SMURF1: variants seen among roughly 807,000 people sequenced by gnomAD.
SMURF1 encodes the protein E3 ubiquitin-protein ligase SMURF1.
In SMURF1, 44 loss-of-function variants were observed where a neutral mutation model predicts 98.0. The observed-to-expected ratio is 0.45, with a 90% confidence interval of 0.35 to 0.58. The LOEUF (loss-of-function observed/expected upper bound fraction) is 0.58. SMURF1 is among the 20% of genes least tolerant of loss of function. SMURF1 has a pLI of 0.00. For synonymous variants in SMURF1, 396 were observed against 374.9 expected (o/e 1.06, Z -0.65); for missense variants, 687 against 938.4 (o/e 0.73, Z 3.50).
intron 1 of SMURF1, among the ~76,000 whole-genome samples, chr7:99,107,143 A>T (rs947411050): frequency 1.5e-4 from 23 of 152,194 alleles, no homozygotes; most frequent in African/African-American, 5.1e-4. Flanking sequence ...CTCTGTAGCA[A>T]GGGTGTGAAA....
chr7:99,140,790 A>C (rs1318145374), intron 1 of SMURF1, among the ~76,000 whole-genome samples: 1 of 146,364 alleles, frequency 6.8e-6, no homozygotes, highest in African/African-American at 2.6e-5. Flanking sequence ...CATTTTTAAC[A>C]GTCTTTTTTT....
chr7:99,049,651 T>C lies in SMURF1; in HGVS notation c.865A>G (p.Arg289Gly). ...LGPLPPGWEV[R>G]STVSGRIYFV... ...TATATCCTCCCAGAAACTGTACTTCTGACTTCCCAGCCTGGCGGCAGTGGT... is the reference window on the plus strand; with the variant it reads ...TATATCCTCCCAGAAACTGTACTTCCGACTTCCCAGCCTGGCGGCAGTGGT... The change falls in exon 9 of 18, where the codon AGA becomes GGA. Residue 289 changes from arginine to glycine, a missense_variant. Arg to Gly is a moderately radical substitution (Grantham distance 125). This residue lies in a region of SMURF1 where 415 missense variants were observed against 508.4 expected (regional missense o/e 0.82). Transcript: ENST00000361368. 6.2e-7 allele frequency: 1 copy of C among 1,614,228 alleles called. No individual in the cohort carries two copies. The highest frequency in any genetic ancestry group is 8.5e-7 in the Non-Finnish European group (1 of 1,180,024).
In SMURF1 at chr7:99,040,253, T is replaced by TA. The variant is rs1364394327; in HGVS notation, c.1550+124dup. The TA allele has an allele frequency of 2.8e-6, 3 of 1,070,548 alleles. No individual in the cohort carries two copies. In the African/African-American group the frequency reaches 4.9e-5, roughly 17 times the overall value. 66.3% of individuals were successfully genotyped at this position (1,070,548 alleles called of 1,614,324 possible). On this transcript the variant is annotated intron_variant, in intron 13 of 17. Transcript: ENST00000361368. ...AATCCCCTTTTTTTGTTTCAGGTTA[T>TA]AATACAATGGCTTCACACACATCCC...
rs1180685252 is a variant in SMURF1 at position 99,143,755 on chromosome 7, T to C, written c.26A>G (p.Asn9Ser). The change falls in exon 1 of 18, where the codon AAC (asparagine) becomes AGC (serine). Residue 9 changes from asparagine (N) to serine (S), a missense_variant. Asn to Ser is a conservative substitution (Grantham distance 46). Transcript: ENST00000361368. ...CAGACGGATCTTGATGCTGGAGCCG[T>C]TCCTGCGTGTCCCGGGGTTCGACAT... MSNPGTRRNGSSIKIRLTV... is the reference protein window; with the variant it reads MSNPGTRRSGSSIKIRLTV... 5 of 1,561,634 alleles carry C rather than the reference T, an allele frequency of 3.2e-6. No individual in the cohort carries two copies. The African/African-American group carries it at 7.1e-5, about 22-fold the overall frequency.
chr7:99,072,158 T>C (rs1050999717), intron 1 of SMURF1, among the ~76,000 whole-genome samples: 1 of 152,114 alleles, frequency 6.6e-6, no homozygotes, highest in African/African-American at 2.4e-5. Flanking sequence ...GCAATGTCAG[T>C]ATTTTCTCTC....
intron 16 of SMURF1, among the ~76,000 whole-genome samples, chr7:99,033,468 C>CTAAT (rs986202074): frequency 6.6e-5 from 10 of 152,142 alleles, no homozygotes; most frequent in African/African-American, 2.4e-4. Context: ...CCACGCCTGG[C>CTAAT]TAATTGTTGT....
intron 1 of SMURF1, among the ~76,000 whole-genome samples, chr7:99,100,052 G>A (rs1725038904): frequency 6.7e-6 from 1 of 149,110 alleles, no homozygotes; most frequent in Non-Finnish European, 1.5e-5. Context: ...CAGGTTTTTT[G>A]TGTGTGTTCA....
intron 1 of SMURF1, among the ~76,000 whole-genome samples, chr7:99,137,583 T>C (rs1454977189): frequency 6.6e-6 from 1 of 152,174 alleles, no homozygotes; most frequent in Non-Finnish European, 1.5e-5. Context: ...CAAGTTGGGC[T>C]CCGGAGCTTA....
chr7:99,042,573 C>G (rs989991032), intron 11 of SMURF1, among the ~76,000 whole-genome samples: 1 of 152,212 alleles, frequency 6.6e-6, no homozygotes, highest in Admixed American at 6.5e-5. Context: ...CCACGCTCAG[C>G]CTAAGTTGTT....
At chr7:99,137,103 TA>T (rs1798009518) in intron 1 of SMURF1, among the ~76,000 whole-genome samples, 1 of 152,254 alleles carries the variant, frequency 6.6e-6, no homozygotes, top group Non-Finnish European at 1.5e-5. Flanking sequence ...TTCATTGTAT[TA>T]TTTTTCCATG....
intron 1 of SMURF1, among the ~76,000 whole-genome samples, chr7:99,133,189 A>C (rs1273128111): frequency 6.6e-6 from 1 of 152,116 alleles, no homozygotes; most frequent in Non-Finnish European, 1.5e-5. Context: ...GTAAACAGTT[A>C]GTTTCCCGGG....
chr7:99,040,768 T>G (rs1450128561), intron 12 of SMURF1, among the ~76,000 whole-genome samples: 2 of 152,152 alleles, frequency 1.3e-5, no homozygotes, highest in African/African-American at 4.8e-5. Flanking sequence ...TTTTGTATGC[T>G]CTCAGGGCCA....
chr7:99,118,414 A>C (rs548821634), intron 1 of SMURF1, among the ~76,000 whole-genome samples: 89 of 152,380 alleles, frequency 5.8e-4, no homozygotes, highest in African/African-American at 1.9e-3. Context: ...ATGTCAATCA[A>C]TTAAAAGAAT....
At chr7:99,140,280 CCTT>C (rs1206696708) in intron 1 of SMURF1, among the ~76,000 whole-genome samples, 12 of 110,844 alleles carry the variant, frequency 1.1e-4, no homozygotes, top group African/African-American at 3.7e-4. Context: ...TCTTCAGTAT[CCTT>C]TTTTTTTTTT....
intron 1 of SMURF1, among the ~76,000 whole-genome samples, chr7:99,062,880 T>C (rs564828016): frequency 6.6e-6 from 1 of 152,094 alleles, no homozygotes; most frequent in African/African-American, 2.4e-5. Context: ...TGTTGATGTA[T>C]AGAAAGAATG....
chr7:99,063,215 G>GATAT (rs551640781), intron 1 of SMURF1, among the ~76,000 whole-genome samples: 1 of 93,846 alleles, frequency 1.1e-5, no homozygotes, highest in African/African-American at 4.7e-5. Context: ...ATATAGTCAA[G>GATAT]ATATATATAT....
At chr7:99,052,102 T>G in intron 7 of SMURF1, 103 bp downstream of exon 7, 1 of 1,439,332 alleles carries the variant, frequency 6.9e-7, no homozygotes, top group Non-Finnish European at 9.1e-7. Flanking sequence ...GCCACTGCAC[T>G]CCAGCATGGG....
intron 3 of SMURF1, among the ~76,000 whole-genome samples, chr7:99,057,854 C>T (rs1392084361): frequency 1.3e-5 from 2 of 152,112 alleles, no homozygotes; most frequent in South Asian, 2.1e-4. Context: ...GCCTTGGCCT[C>T]CCAAAGTGCT....
At chr7:99,061,634 A>AC (rs1796036566) in intron 2 of SMURF1, among the ~76,000 whole-genome samples, 165 bp downstream of exon 2, 1 of 152,210 alleles carries the variant, frequency 6.6e-6, no homozygotes, top group African/African-American at 2.4e-5. Context: ...CTAAGGAACT[A>AC]CCCATGTTGT....
Sources: gnomAD v4.1 joint callset for allele counts (sites outside exome capture counted in the v4.1 genomes callset) on GRCh38, gnomAD v4.1.1 for gene constraint, gnomAD v4.1.1 regional missense constraint, MANE v1.5 for transcripts, NCBI Gene and HGNC (gene_info 2026-07-23, HGNC 2026-07-21) for gene names.